Variants in COL23A1 observed in about 807,000 individuals in gnomAD.
COL23A1 encodes the protein collagen type XXIII alpha 1 chain.
In COL23A1, 97 loss-of-function variants were observed where a neutral mutation model predicts 99.3. The ratio of observed to expected loss-of-function variants is 0.98; its 90% confidence interval spans 0.83 to 1.16. The LOEUF (loss-of-function observed/expected upper bound fraction) is 1.16. COL23A1 is among the 50% of genes most tolerant of loss of function. The pLI, the probability that COL23A1 is intolerant of heterozygous loss-of-function variation, is 0.00. For synonymous variants in COL23A1, 320 were observed against 308.2 expected (o/e 1.04, Z -0.40); for missense variants, 762 against 757.4 (o/e 1.01, Z -0.07).
intron 2 of COL23A1, among the ~76,000 whole-genome samples, chr5:178,451,583 G>C (rs1162429282): frequency 6.6e-6 from 1 of 150,436 alleles, no homozygotes; most frequent in Non-Finnish European, 1.5e-5. Flanking sequence ...CTTGAACCCG[G>C]GAGGCAGAGG....
At chr5:178,240,033 C>T (rs1262400013) in intron 27 of COL23A1, among the ~76,000 whole-genome samples, 1 of 152,146 alleles carries the variant, frequency 6.6e-6, no homozygotes, top group Non-Finnish European at 1.5e-5. Flanking sequence ...CCTGCTCCAG[C>T]CTGTGCTGGC....
chr5:178,571,477 A>G (rs1490249754), intron 1 of COL23A1, among the ~76,000 whole-genome samples: 1 of 152,186 alleles, frequency 6.6e-6, no homozygotes, highest in Non-Finnish European at 1.5e-5. Flanking sequence ...ACACTGCTCT[A>G]GTCCCACCTA....
At chr5:178,454,581 A>G (rs1057272618) in intron 2 of COL23A1, among the ~76,000 whole-genome samples, 4 of 152,168 alleles carry the variant, frequency 2.6e-5, no homozygotes, top group African/African-American at 9.7e-5. Context: ...TGAAATGGGC[A>G]TAATCACAAC....
In COL23A1 at chr5:178,468,449, T is replaced by C. The variant is rs896090844; in HGVS notation, c.361+92233A>G. Reference sequence around the variant, plus strand: ...AAGAATATCAACAACCACGGCTCCGTCTCCTGTGGGCTAGACACTGCCTGC... The same window carrying C: ...AAGAATATCAACAACCACGGCTCCGCCTCCTGTGGGCTAGACACTGCCTGC... On this transcript the variant is annotated intron_variant, in intron 2 of 28. Coordinates refer to ENST00000390654, the MANE Select transcript of COL23A1 (RefSeq NM_173465.4). The surrounding 1 kb of genome is among the most constrained non-coding windows in gnomAD (Gnocchi z 4.2). 5.9e-5 allele frequency among the ~76,000 whole-genome samples: 9 copies of C among 152,126 alleles called. No homozygotes were observed. The highest frequency in any genetic ancestry group is 2.2e-4 in the African/African-American group (9 of 41,414).
chr5:178,325,929 G>A lies in COL23A1; in HGVS notation c.362-19010C>T, dbSNP rs117594726. Among the ~76,000 whole-genome samples the A allele has an allele frequency of 1.6e-3, 245 of 152,326 alleles. 2 individuals are homozygous for A. Among genetic ancestry groups the A allele is most frequent in the East Asian group, 0.014 (70 of 5,176 alleles). On this transcript the variant is annotated intron_variant, in intron 2 of 28. Transcript: ENST00000390654. ...CAGTCTGTCCACTGCGGTGGGAAAT[G>A]CCAGTTTATGAACCAAGGGTGAGCC...
At chr5:178,550,750 C>T (rs375472614) in intron 2 of COL23A1, among the ~76,000 whole-genome samples, 1 of 152,040 alleles carries the variant, frequency 6.6e-6, no homozygotes, top group Non-Finnish European at 1.5e-5. Context: ...CATAGGGGGG[C>T]GTGTGATAAT....
chr5:178,252,356 C>G (rs887599911), intron 17 of COL23A1, among the ~76,000 whole-genome samples, 188 bp downstream of exon 17: 11 of 152,230 alleles, frequency 7.2e-5, no homozygotes, highest in Non-Finnish European at 1.3e-4. Flanking sequence ...CCAGGGAAAT[C>G]TCCCAGAGTA....
intron 2 of COL23A1, among the ~76,000 whole-genome samples, chr5:178,321,112 A>T (rs1759277135): frequency 6.6e-6 from 1 of 152,232 alleles, no homozygotes; most frequent in South Asian, 2.1e-4. Context: ...GTAAATTTCT[A>T]AACTATTCTG....
At position 178,280,682 on chromosome 5, in the gene COL23A1, C is replaced by T. The variant is rs536592749; in HGVS notation, c.441+7642G>A. ...GTCTGTTGCCTGGGGAAGTGGGAGG[C>T]GGTTCCAGCCAGTGACCACGCTGCA... On this transcript the variant is annotated intron_variant, in intron 5 of 28. Coordinates refer to ENST00000390654, the MANE Select transcript of COL23A1 (RefSeq NM_173465.4). This position sits in a 1 kb window ranked among gnomAD's most constrained non-coding sequence, Gnocchi z 4.9. Among the ~76,000 whole-genome samples the T allele has an allele frequency of 6.6e-6, 1 of 152,212 alleles. No individual in the cohort carries two copies. Among genetic ancestry groups the T allele is most frequent in the African/African-American group, 2.4e-5 (1 of 41,544 alleles).
Position 178,452,925 on chromosome 5 carries a change from A to G in COL23A1, c.361+107757T>C, listed in dbSNP as rs373595790. On this transcript the variant is annotated intron_variant, in intron 2 of 28. Transcript: ENST00000390654. ...CACTAGGACCTAATCAGATATGTGT[A>G]CCTACATGTACAGGAAATAATGGAT... is the stretch of plus-strand genomic sequence containing the variant. Among the ~76,000 whole-genome samples the G allele has an allele frequency of 2.6e-5, 4 of 152,362 alleles. No homozygotes were observed. In the East Asian group the frequency reaches 7.7e-4, roughly 29 times the overall value.
intron 2 of COL23A1, among the ~76,000 whole-genome samples, chr5:178,536,792 G>T (rs1009860399): frequency 6.6e-6 from 1 of 152,252 alleles, no homozygotes; most frequent in African/African-American, 2.4e-5. Context: ...GGGAGGTGGG[G>T]CATGTGCTGA....
intron 2 of COL23A1, among the ~76,000 whole-genome samples, chr5:178,555,771 C>A (rs1190289367): frequency 6.6e-6 from 1 of 152,190 alleles, no homozygotes; most frequent in Non-Finnish European, 1.5e-5. Context: ...TCCAAGGTGC[C>A]GGCCCTCACC....
chr5:178,450,845 G>T (rs1400099144), intron 2 of COL23A1, among the ~76,000 whole-genome samples: 1 of 152,184 alleles, frequency 6.6e-6, no homozygotes. Context: ...AGTGGGCAAC[G>T]TTATCATGAA....
intron 2 of COL23A1, among the ~76,000 whole-genome samples, chr5:178,503,357 A>C (rs896081689): frequency 6.6e-6 from 1 of 152,190 alleles, no homozygotes; most frequent in East Asian, 1.9e-4. Context: ...CCAAAAAAAA[A>C]CAAAAGTCAA....
intron 2 of COL23A1, among the ~76,000 whole-genome samples, chr5:178,438,439 G>A (rs1412935056): frequency 6.6e-6 from 1 of 152,158 alleles, no homozygotes; most frequent in East Asian, 1.9e-4. Context: ...CTGGGGTCCT[G>A]GTGAAATAAA....
Position 178,469,141 on chromosome 5 carries a change from A to G in COL23A1, c.361+91541T>C, listed in dbSNP as rs187345352. 1.4e-4 allele frequency among the ~76,000 whole-genome samples: 22 copies of G among 152,324 alleles called. No homozygotes were observed. In the East Asian group the frequency reaches 3.9e-3, roughly 27 times the overall value. On this transcript the variant is annotated intron_variant, in intron 2 of 28. Coordinates refer to ENST00000390654, the MANE Select transcript of COL23A1 (RefSeq NM_173465.4). Reference sequence around the variant, plus strand: ...TGTGTGGACAGGCCACATTGTGTCTATCCATTCTGATAAACACGTGGGTTG... The same window carrying G: ...TGTGTGGACAGGCCACATTGTGTCTGTCCATTCTGATAAACACGTGGGTTG...
Position 178,378,279 on chromosome 5 carries a change from C to T in COL23A1, c.362-71360G>A, listed in dbSNP as rs557969969. ...CAAGGGGATAACAGGCCCCACAGAG[C>T]CCTGGGAAAATGCACATGTGCACAG... On this transcript the variant is annotated intron_variant, in intron 2 of 28. Transcript: ENST00000390654. The T allele has an allele frequency of 2.2e-4, 34 of 152,282 alleles. 1 individual carries two copies. Among genetic ancestry groups the T allele is most frequent in the African/African-American group, 8.2e-4 (34 of 41,544 alleles). 9.4% of individuals were successfully genotyped at this position (152,282 alleles called of 1,614,324 possible). A position where few individuals can be genotyped will look rare whatever the true frequency, so the allele number is the denominator to read the frequency against.
intron 2 of COL23A1, among the ~76,000 whole-genome samples, chr5:178,426,301 C>T (rs1330162121): frequency 6.6e-6 from 1 of 152,040 alleles, no homozygotes; most frequent in Non-Finnish European, 1.5e-5. Context: ...TGCAAATGCC[C>T]TCTTAGTCTC....
intron 5 of COL23A1, among the ~76,000 whole-genome samples, chr5:178,271,387 A>G (rs1756279422): frequency 6.6e-6 from 1 of 152,154 alleles, no homozygotes; most frequent in Non-Finnish European, 1.5e-5. Context: ...TGCCGGGCAC[A>G]TCCTTCCCTT....
Sources: allele counts gnomAD v4.1 joint callset (sites outside exome capture counted in the v4.1 genomes callset), GRCh38; gene constraint gnomAD v4.1.1; non-coding constraint Gnocchi (gnomAD v3.1); transcripts MANE v1.5; gene names NCBI Gene and HGNC (gene_info 2026-07-23, HGNC 2026-07-21).